The following MND1 variants were observed in gnomAD, a reference collection of about 807,000 sequenced individuals.
MND1 encodes meiotic nuclear division protein 1 homolog.
A neutral mutation model predicts 35.1 loss-of-function variants in MND1; 28 were observed. That is an observed-to-expected ratio of 0.80 (90% CI 0.59 to 1.09). MND1 has a LOEUF of 1.09. Among genes scored for constraint, MND1 ranks in the 50% least tolerant of loss-of-function variants. The pLI is 0.00. For synonymous variants in MND1, 69 were observed against 70.5 expected, an observed-to-expected ratio of 0.98 and a Z score of 0.11; for missense variants, 213 against 239.6, an observed-to-expected ratio of 0.89 and a Z score of 0.73.
rs1468481161 is a variant in MND1, at chr4:153,348,411, C to T, written c.4-1653C>T. On this transcript the variant is annotated intron_variant, in intron 1 of 7. Transcript: ENST00000240488. ...TGACACTGAAGCTCAGGAGCACACC[C>T]AGGGGTGAATGTAAAGATTTGAGGT... Among the ~76,000 whole-genome samples, 3 of 152,042 alleles carry T rather than the reference C, an allele frequency of 2.0e-5. No individual in the cohort carries two copies. The East Asian group carries it at 5.8e-4, about 29-fold the overall frequency.
At chr4:153,380,302 C>A (rs974179032) in intron 4 of MND1, among the ~76,000 whole-genome samples, 1 of 150,966 alleles carries the variant, frequency 6.6e-6, no homozygotes, top group Non-Finnish European at 1.5e-5. Context: ...GACTAGATTT[C>A]TTTTTTTTTG....
At chr4:153,391,099 A>G (rs1729020287) in intron 4 of MND1, among the ~76,000 whole-genome samples, 1 of 152,040 alleles carries the variant, frequency 6.6e-6, no homozygotes, top group Non-Finnish European at 1.5e-5. Flanking sequence ...CCTAAATTTA[A>G]ATGTTATGTA....
rs145328572 is a variant in MND1 at position 153,414,765 on chromosome 4, A to G, written c.526A>G (p.Ile176Val). 26 of 1,496,570 alleles carry G rather than the reference A, an allele frequency of 1.7e-5. No homozygotes were observed. The African/African-American group carries it at 2.8e-4, about 16-fold the overall frequency. The allele number at this position is 1,496,570 out of a possible 1,614,324, so 92.7% of individuals were successfully genotyped here. Residue 176 changes from isoleucine (I) to valine (V), a missense_variant, in exon 8 of 8, where the codon ATA becomes GTA. Physicochemically the swap from Ile to Val is conservative, Grantham distance 29. Coordinates refer to ENST00000240488, the MANE Select transcript of MND1 (RefSeq NM_032117.4). ...TTTCTTTATAGATAACATATTCGCA[A>G]TAAAATCTTGGGCCAAAAGAAAATT... ...ANRWTDNIFAIKSWAKRKFGF... is the reference protein window; with the variant it reads ...ANRWTDNIFAVKSWAKRKFGF...
rs140107488 is a variant in MND1 at position 153,358,600 on chromosome 4, A to T, written c.254A>T (p.Lys85Met). Residue 85 changes from lysine (K) to methionine (M), a missense_variant, in exon 4 of 8, where the codon AAG (lysine) becomes ATG (methionine). Lys to Met is a moderately conservative substitution (Grantham distance 95). Transcript: ENST00000240488. The part of the protein sequence containing the change: ...PSKALHARKH[K>M]LEVLESQLSE... ...AAAGCTCTTCATGCAAGGAAACATA[A>T]GTTGGAGGTTCTGGAATCTCAGGTA... The T allele has an allele frequency of 5.9e-4, 946 of 1,612,802 alleles. 17 individuals are homozygous for T. The East Asian group carries it at 0.017, about 28-fold the overall frequency.
At chr4:153,377,902 T>G (rs1250477195) in intron 4 of MND1, among the ~76,000 whole-genome samples, 2 of 152,244 alleles carry the variant, frequency 1.3e-5, no homozygotes, top group African/African-American at 2.4e-5. Context: ...AGTTTTTTAA[T>G]CCCTTCCTCC....
At chr4:153,406,005 G>A (rs1195752588) in intron 6 of MND1, among the ~76,000 whole-genome samples, 3 of 151,832 alleles carry the variant, frequency 2.0e-5, no homozygotes, top group East Asian at 2.0e-4. Context: ...GAGTTTCACC[G>A]TGTTAGCCAG....
chr4:153,381,190 C>T (rs927666006), intron 4 of MND1, among the ~76,000 whole-genome samples: 6 of 152,088 alleles, frequency 3.9e-5, no homozygotes, highest in African/African-American at 9.7e-5. Context: ...TCAGCCACTG[C>T]GCCCGGCCAG....
At chr4:153,346,722 T>C (rs1021367744) in intron 1 of MND1, among the ~76,000 whole-genome samples, 1 of 152,202 alleles carries the variant, frequency 6.6e-6, no homozygotes, top group African/African-American at 2.4e-5. Flanking sequence ...GAGCTGAGTG[T>C]TGAGAGCTTT....
intron 6 of MND1, among the ~76,000 whole-genome samples, chr4:153,407,718 T>C (rs540673906): frequency 6.6e-6 from 1 of 152,136 alleles, no homozygotes; most frequent in South Asian, 2.1e-4. Context: ...GAGGTATTGA[T>C]ACATGAATGA....
intron 6 of MND1, among the ~76,000 whole-genome samples, chr4:153,405,336 G>A (rs1216405506): frequency 3.9e-5 from 6 of 151,944 alleles, no homozygotes; most frequent in African/African-American, 9.7e-5. Flanking sequence ...TCAGGAGATC[G>A]AGACCATCCT....
intron 4 of MND1, among the ~76,000 whole-genome samples, chr4:153,392,176 A>G (rs1729064916): frequency 6.6e-6 from 1 of 151,424 alleles, no homozygotes; most frequent in Non-Finnish European, 1.5e-5. Flanking sequence ...ATCTCGGCTC[A>G]CTGCAAGCTC....
chr4:153,356,633 G>A (rs772861019), intron 3 of MND1, among the ~76,000 whole-genome samples: 12 of 149,544 alleles, frequency 8.0e-5, no homozygotes, highest in Non-Finnish European at 1.6e-4. Flanking sequence ...CACCCATACT[G>A]AGAGTACCCA....
At chr4:153,374,553 A>C (rs754491803) in intron 4 of MND1, among the ~76,000 whole-genome samples, 2 of 152,160 alleles carry the variant, frequency 1.3e-5, no homozygotes, top group Non-Finnish European at 2.9e-5. Context: ...AGATCAGCTT[A>C]TTCTACATAT....
chr4:153,360,584 A>G (rs540702384), intron 4 of MND1, among the ~76,000 whole-genome samples: 2,543 of 145,230 alleles, frequency 0.018, 71 homozygotes, highest in African/African-American at 0.058. Context: ...TCTTTTCTGT[A>G]TGTGTGTGTG....
chr4:153,408,177 G>A (rs1056474654), intron 6 of MND1, among the ~76,000 whole-genome samples: 1 of 152,076 alleles, frequency 6.6e-6, no homozygotes, highest in African/African-American at 2.4e-5. Context: ...AACTGAGGCA[G>A]GAGGATTGCT....
intron 4 of MND1, among the ~76,000 whole-genome samples, chr4:153,394,015 A>G (rs1729128846): frequency 7.5e-6 from 1 of 133,482 alleles, no homozygotes; most frequent in South Asian, 2.3e-4. Context: ...CTGCAACCTC[A>G]GCCTCTCGAG....
At position 153,354,648 on chromosome 4, in the gene MND1, A is replaced by G. The variant is rs141447145; in HGVS notation, c.70-1006A>G. Among the ~76,000 whole-genome samples the G allele has an allele frequency of 2.0e-5, 3 of 152,218 alleles. No individual in the cohort carries two copies. In the East Asian group the frequency reaches 5.8e-4, roughly 29 times the overall value. On this transcript the variant is annotated intron_variant, in intron 2 of 7. Coordinates refer to ENST00000240488, the MANE Select transcript of MND1 (RefSeq NM_032117.4). ...CTCCCATGTATCTAGGACTACAGGC[A>G]CGCACTACCACACCCAGCTAATTTT...
Position 153,357,580 on chromosome 4 carries a change from C to T in MND1, c.128-894C>T, listed in dbSNP as rs564691054. Among the ~76,000 whole-genome samples the T allele has an allele frequency of 9.2e-5, 14 of 152,280 alleles. No homozygotes were observed. In the South Asian group the frequency reaches 2.9e-3, roughly 32 times the overall value. On this transcript the variant is annotated intron_variant, in intron 3 of 7. Coordinates refer to ENST00000240488, the MANE Select transcript of MND1 (RefSeq NM_032117.4). The stretch of plus-strand genomic sequence containing the variant: ...TGAGGAGGAGGAGGAAGTGGTGTTG[C>T]TGTCTCAGGTGGCAGAAAATCCATG...
intron 4 of MND1, among the ~76,000 whole-genome samples, chr4:153,393,207 CTA>C (rs1269439453): frequency 6.6e-6 from 1 of 151,912 alleles, no homozygotes. Context: ...TAATATGTAA[CTA>C]TGCAATTCTT....
Sources: gnomAD v4.1 joint callset for allele counts (sites outside exome capture counted in the v4.1 genomes callset) on GRCh38, gnomAD v4.1.1 for gene constraint, MANE v1.5 for transcripts, NCBI Gene and HGNC (gene_info 2026-07-23, HGNC 2026-07-21) for gene names.